ZFHX3: variants seen among roughly 807,000 people sequenced by gnomAD.
ZFHX3 encodes zinc finger homeobox 3, also known as zinc finger homeobox protein 3.
A neutral mutation model predicts 279.1 loss-of-function variants in ZFHX3; 42 were observed. That is an observed-to-expected ratio of 0.15 (90% confidence interval 0.12 to 0.19). ZFHX3 has a LOEUF of 0.19. Among genes scored for constraint, ZFHX3 ranks in the 10% least tolerant of loss-of-function variants. The pLI is 1.00. For missense variants in ZFHX3, 4,981 were observed against 4,754.0 expected, an observed-to-expected ratio of 1.05 and a Z score of -1.40; for synonymous variants, 2,293 against 1,957.8, an observed-to-expected ratio of 1.17 and a Z score of -4.52.
At chr16:73,288,891 C>T (rs534967410) in intron 4 of ZFHX3, among the ~76,000 whole-genome samples, 2 of 151,152 alleles carry the variant, frequency 1.3e-5, no homozygotes, top group South Asian at 4.3e-4. Flanking sequence ...AGCGGCTCCG[C>T]GACCCCTCTC....
chr16:73,478,694 T>C (rs182580375), intron 2 of ZFHX3, among the ~76,000 whole-genome samples: 1 of 152,160 alleles, frequency 6.6e-6, no homozygotes, highest in African/African-American at 2.4e-5. Flanking sequence ...AAATATCTGA[T>C]AGGGTGTCGT....
intron 3 of ZFHX3, among the ~76,000 whole-genome samples, chr16:73,443,158 A>T (rs2018124151): frequency 2.0e-5 from 3 of 152,234 alleles, no homozygotes; most frequent in South Asian, 2.1e-4. Flanking sequence ...ATGTAAATTC[A>T]TGGCTGGATC....
intron 2 of ZFHX3, among the ~76,000 whole-genome samples, chr16:73,530,224 G>T (rs946060760): frequency 2.0e-5 from 3 of 152,224 alleles, no homozygotes; most frequent in Middle Eastern, 3.4e-3. Flanking sequence ...ATCAGATCTC[G>T]TGAGACTTAT....
rs768423892 is a variant in ZFHX3, at chr16:72,788,396, C to T, written c.9880G>A (p.Ala3294Thr). Residue 3294 changes from alanine (A) to threonine (T), a missense_variant, in exon 10 of 10, where the codon GCG (alanine) becomes ACG (threonine). By Grantham distance (58) the Ala-to-Thr change is moderately conservative. Coordinates refer to ENST00000268489, the MANE Select transcript of ZFHX3 (RefSeq NM_006885.4). The stretch of plus-strand genomic sequence containing the variant: ...AATGCTGTGGGGTCCGAAGTCAACG[C>T]GGCCTGCAGGGCCTGCAGCTGTGCA... ...DPAQLQALQAALTSDPTALLT... is the reference protein window; with the variant it reads ...DPAQLQALQATLTSDPTALLT... 24 of 1,614,052 alleles carry T rather than the reference C, an allele frequency of 1.5e-5. No homozygotes were observed. The highest frequency in any genetic ancestry group is 1.6e-4 in the Middle Eastern group (1 of 6,084).
At chr16:72,876,272 A>C (rs540606252) in intron 4 of ZFHX3, among the ~76,000 whole-genome samples, 1 of 152,372 alleles carries the variant, frequency 6.6e-6, no homozygotes, top group South Asian at 2.1e-4. Flanking sequence ...AGACTTCTTC[A>C]GCCACAGATG....
At chr16:73,636,801 G>T (rs2052530769) in intron 2 of ZFHX3, among the ~76,000 whole-genome samples, 1 of 152,110 alleles carries the variant, frequency 6.6e-6, no homozygotes, top group South Asian at 2.1e-4. Context: ...TATATGGAAA[G>T]ATATGCAATA....
intron 2 of ZFHX3, among the ~76,000 whole-genome samples, chr16:73,636,287 T>C (rs989161974): frequency 2.6e-5 from 4 of 152,202 alleles, no homozygotes; most frequent in Non-Finnish European, 5.9e-5. Context: ...GAAGGATATT[T>C]ATCAGAAACT....
At chr16:73,071,331 T>G (rs1390738464) in intron 8 of ZFHX3, among the ~76,000 whole-genome samples, 3 of 150,954 alleles carry the variant, frequency 2.0e-5, no homozygotes, top group Non-Finnish European at 4.4e-5. Context: ...TTCCACGTTT[T>G]CCCACCCTGC....
intron 1 of ZFHX3, among the ~76,000 whole-genome samples, chr16:72,971,567 T>G (rs753091473): frequency 6.6e-6 from 1 of 152,180 alleles, no homozygotes; most frequent in Non-Finnish European, 1.5e-5. Flanking sequence ...CATGACGTTG[T>G]GTCTGTATTG....
chr16:72,789,515 C>G (rs1004833753), intron 9 of ZFHX3: 1 of 152,290 alleles, frequency 6.6e-6, no homozygotes, highest in Non-Finnish European at 1.5e-5. Flanking sequence ...GAAGAGAGAA[C>G]GAAGGCAAGA....
At position 73,191,279 on chromosome 16, in the gene ZFHX3, G is replaced by A. The variant is rs1340937334; in HGVS notation, c.-1103-47448C>T. On this transcript the variant is annotated intron_variant, in intron 5 of 17. Coordinates refer to the ZFHX3 transcript ENST00000641206. ...GGAGGAAGTCTTGGCTCTGATGTCT[G>A]TGTTGAACGTTCCGTGGCTCCCCCC... is the stretch of plus-strand genomic sequence containing the variant. Among the ~76,000 whole-genome samples, 3 of 152,312 alleles carry A rather than the reference G, an allele frequency of 2.0e-5. No homozygotes were observed. The East Asian group carries it at 5.8e-4, about 29-fold the overall frequency.
At chr16:73,821,739 T>C (rs1035336347) in intron 1 of ZFHX3, among the ~76,000 whole-genome samples, 3 of 152,198 alleles carry the variant, frequency 2.0e-5, no homozygotes, top group African/African-American at 4.8e-5. Context: ...GCTGAACACA[T>C]GCATCCCTCC....
chr16:73,875,578 A>T (rs562176793), intron 1 of ZFHX3, among the ~76,000 whole-genome samples: 1 of 152,254 alleles, frequency 6.6e-6, no homozygotes, highest in African/African-American at 2.4e-5. Flanking sequence ...TCCACTTCCA[A>T]ATATGTGTTT....
intron 7 of ZFHX3, among the ~76,000 whole-genome samples, chr16:73,107,887 C>T (rs80213935): frequency 0.34 from 51,836 of 151,954 alleles, 9,106 homozygotes; most frequent in Admixed American, 0.46. Flanking sequence ...ATGGGCTGGG[C>T]GCAGTGGCTC....
At chr16:73,405,667 G>C (rs947459734) in intron 3 of ZFHX3, among the ~76,000 whole-genome samples, 1 of 151,934 alleles carries the variant, frequency 6.6e-6, no homozygotes, top group African/African-American at 2.4e-5. Flanking sequence ...CATCACGTAT[G>C]TAATGTAATG....
At chr16:73,123,441 C>T (rs1362162312) in intron 7 of ZFHX3, 1 of 147,656 alleles carries the variant, frequency 6.8e-6, no homozygotes. Flanking sequence ...GACACATAGC[C>T]TGGTCACCCT....
chr16:73,664,133 T>C (rs1050038963), intron 2 of ZFHX3, among the ~76,000 whole-genome samples: 7 of 152,244 alleles, frequency 4.6e-5, no homozygotes, highest in African/African-American at 1.7e-4. Flanking sequence ...AAAACTCTTT[T>C]GCAAGTCAGT....
chr16:73,018,427 G>A (rs1454275225), intron 1 of ZFHX3, among the ~76,000 whole-genome samples: 1 of 152,092 alleles, frequency 6.6e-6, no homozygotes, highest in Non-Finnish European at 1.5e-5. Context: ...CCAACATGGT[G>A]AAACCCCGTC....
At chr16:72,816,309 AAT>A (rs1345104176) in intron 5 of ZFHX3, among the ~76,000 whole-genome samples, 48 of 152,214 alleles carry the variant, frequency 3.2e-4, no homozygotes, top group Non-Finnish European at 4.3e-4. Flanking sequence ...AAAATATGAA[AAT>A]ATGTGTTAAA....
Sources: allele counts gnomAD v4.1 joint callset (sites outside exome capture counted in the v4.1 genomes callset), GRCh38; gene constraint gnomAD v4.1.1; transcripts MANE v1.5; gene names NCBI Gene and HGNC (gene_info 2026-07-23, HGNC 2026-07-21).